Variants in MTAP observed in about 807,000 individuals in gnomAD.
MTAP encodes methylthioadenosine phosphorylase, also known as S-methyl-5'-thioadenosine phosphorylase.
A neutral mutation model predicts 33.6 loss-of-function variants in MTAP; 33 were observed. That is an observed-to-expected ratio of 0.98 (90% CI 0.74 to 1.31). MTAP has a LOEUF of 1.31. MTAP is among the 40% of genes most tolerant of loss of function. The pLI, the probability that MTAP is intolerant of heterozygous loss-of-function variation, is 0.00. For missense variants in MTAP, 367 were observed against 360.0 expected (o/e 1.02, Z -0.16); for synonymous variants, 148 against 125.7 (o/e 1.18, Z -1.19).
intron 1 of MTAP, among the ~76,000 whole-genome samples, chr9:21,813,031 A>G (rs1824389180): frequency 6.6e-6 from 1 of 152,264 alleles, no homozygotes. Flanking sequence ...ATGTAAGTCC[A>G]CAGACACAGT....
At chr9:21,858,473 A>G (rs1390861590) in intron 6 of MTAP, among the ~76,000 whole-genome samples, 1 of 152,220 alleles carries the variant, frequency 6.6e-6, no homozygotes, top group African/African-American at 2.4e-5. Context: ...ACTTCCAATC[A>G]TGTTGGAAGG....
Position 21,864,269 on chromosome 9 carries a change from A to G in MTAP, c.*2255A>G, listed in dbSNP as rs79020697. On this transcript the variant is annotated 3_prime_UTR_variant, in exon 8 of 8. Transcript: ENST00000644715. ...CATTCACTCCTTATGCAAAGCCAAT[A>G]TAATTTTCCTCATACCTTATGCTTG... The G allele has an allele frequency of 4.5e-3, 4,459 of 985,388 alleles. 130 individuals are homozygous for G. The African/African-American group carries it at 0.068, about 15-fold the overall frequency. The allele number at this position is 985,388 out of a possible 1,614,324, so 61.0% of individuals were successfully genotyped here. A position where few individuals can be genotyped will look rare whatever the true frequency, so the allele number is the denominator to read the frequency against.
chr9:21,918,576 T>A (rs371216672), intron 1 of MTAP, among the ~76,000 whole-genome samples: 2 of 152,206 alleles, frequency 1.3e-5, no homozygotes, highest in East Asian at 3.9e-4. Context: ...GTGATTGATG[T>A]GGTTTCGCTG....
At chr9:21,837,306 C>T (rs549479598) in intron 4 of MTAP, among the ~76,000 whole-genome samples, 1 of 152,248 alleles carries the variant, frequency 6.6e-6, no homozygotes, top group Non-Finnish European at 1.5e-5. Context: ...GTTGGGGTTA[C>T]AGGCAGGAAT....
Position 21,837,663 on chromosome 9 carries a change from C to T in MTAP, c.348-245C>T, listed in dbSNP as rs149123703. ...GCAATCCAAAGTGGTTACCCCGTCACGGCTGCCAGACCACAGACACTTTAA... is the reference window on the plus strand; with the variant it reads ...GCAATCCAAAGTGGTTACCCCGTCATGGCTGCCAGACCACAGACACTTTAA... On this transcript the variant is annotated intron_variant, in intron 4 of 7. Transcript: ENST00000644715. Among the ~76,000 whole-genome samples, 24 of 152,288 alleles carry T rather than the reference C, an allele frequency of 1.6e-4. No individual in the cohort carries two copies. The East Asian group carries it at 2.7e-3, about 17-fold the overall frequency.
intron 1 of MTAP, among the ~76,000 whole-genome samples, chr9:21,882,999 C>T (rs1031368999): frequency 1.3e-5 from 2 of 150,460 alleles, no homozygotes; most frequent in African/African-American, 2.4e-5. Context: ...GAAGTGAGGC[C>T]CCTAACTCAA....
At chr9:21,839,659 A>G (rs1333502825) in intron 5 of MTAP, among the ~76,000 whole-genome samples, 2 of 152,250 alleles carry the variant, frequency 1.3e-5, no homozygotes, top group Non-Finnish European at 2.9e-5. Context: ...ATTTTTAAAT[A>G]TTATCCAAAA....
intron 1 of MTAP, chr9:21,811,795 T>C (rs1824357084): frequency 1.9e-6 from 1 of 523,688 alleles, no homozygotes; most frequent in Non-Finnish European, 3.9e-6. Context: ...GAAGTATACC[T>C]GTGAACTGCT....
chr9:21,885,725 G>C (rs1198463848), intron 1 of MTAP, among the ~76,000 whole-genome samples: 1 of 151,596 alleles, frequency 6.6e-6, no homozygotes, highest in African/African-American at 2.4e-5. Context: ...AATCCATCCA[G>C]GTTGCTGCAA....
At chr9:21,894,757 T>C (rs1450813332) in intron 1 of MTAP, among the ~76,000 whole-genome samples, 1 of 151,308 alleles carries the variant, frequency 6.6e-6, no homozygotes, top group Admixed American at 6.6e-5. Context: ...AAAAAATATA[T>C]ATATATAAAA....
chr9:21,937,229 C>G (rs2131057765), exon 8 of MTAP: 1 of 152,234 alleles, frequency 6.6e-6, no homozygotes. Context: ...GTCCCAGCTA[C>G]TAGGGAGGCT....
At chr9:21,805,823 C>T (rs1298792487) in intron 1 of MTAP, among the ~76,000 whole-genome samples, 1 of 152,106 alleles carries the variant, frequency 6.6e-6, no homozygotes, top group Non-Finnish European at 1.5e-5. Context: ...TATAAGCCAC[C>T]CAGTCCTAAG....
intron 7 of MTAP, 41 bp downstream of exon 7, chr9:21,859,466 C>G (rs749076704): frequency 6.4e-7 from 1 of 1,552,538 alleles, no homozygotes; most frequent in African/African-American, 1.4e-5. Context: ...TCTGTAGACT[C>G]TCTATTGTCT....
Position 21,823,941 on chromosome 9 carries a change from A to G in MTAP, c.347+5739A>G, listed in dbSNP as rs557018241. Among the ~76,000 whole-genome samples the G allele has an allele frequency of 5.9e-5, 9 of 152,268 alleles. No homozygotes were observed. The South Asian group carries it at 6.2e-4, about 11-fold the overall frequency. On this transcript the variant is annotated intron_variant, in intron 4 of 7. Coordinates refer to ENST00000644715, the MANE Select transcript of MTAP (RefSeq NM_002451.4). ...GCATTCGTCACGTAGTTCTCGTACT[A>G]TGGTTTTCAGCTCCATCAGGTCATT...
intron 2 of MTAP, among the ~76,000 whole-genome samples, chr9:21,816,066 G>A (rs1824466306): frequency 2.0e-5 from 3 of 152,156 alleles, no homozygotes; most frequent in East Asian, 1.9e-4. Context: ...AGCCTAGGCC[G>A]GGGTGAGGGT....
At chr9:21,940,475 C>T (rs1587312299), downstream of MTAP, among the ~76,000 whole-genome samples, 2 of 152,126 alleles carry the variant, frequency 1.3e-5, no homozygotes, top group African/African-American at 4.8e-5. Context: ...TAGCCTAGTT[C>T]ACTGTCTTTG....
chr9:21,899,842 A>G lies in MTAP; in HGVS notation c.148-31166A>G, dbSNP rs957643624. ...GGTACAAAAACAGAAACACAAATCA[A>G]TGGAACAGAGTAGAGAACCCAGAAA... On this transcript the variant is annotated intron_variant, in intron 1 of 1. Coordinates refer to the MTAP transcript ENST00000577563. Among the ~76,000 whole-genome samples, 19 of 152,320 alleles carry G rather than the reference A, an allele frequency of 1.2e-4. 1 individual carries two copies. Among genetic ancestry groups the G allele is most frequent in the East Asian group, 1.9e-4 (1 of 5,190 alleles).
intron 1 of MTAP, among the ~76,000 whole-genome samples, chr9:21,877,715 A>C (rs1489574054): frequency 6.6e-6 from 1 of 152,178 alleles, no homozygotes; most frequent in East Asian, 1.9e-4. Context: ...AACCAACTTG[A>C]TTATGGTGGA....
chr9:21,861,172 G>C (rs1198423525), intron 7 of MTAP: 1 of 152,106 alleles, frequency 6.6e-6, no homozygotes, highest in Non-Finnish European at 1.5e-5. Context: ...TTATTTTTAA[G>C]TAAAAATGCT....
Sources: gnomAD v4.1 joint callset for allele counts (sites outside exome capture counted in the v4.1 genomes callset) on GRCh38, gnomAD v4.1.1 for gene constraint, MANE v1.5 for transcripts, NCBI Gene and HGNC (gene_info 2026-07-23, HGNC 2026-07-21) for gene names.